The following INAVA variants were observed in gnomAD, a reference collection of about 807,000 sequenced individuals.
INAVA encodes the protein innate immunity activator protein.
Under a neutral mutation model 55.3 loss-of-function variants are expected in INAVA, and 32 were observed. The ratio of observed to expected loss-of-function variants is 0.58; its 90% CI spans 0.44 to 0.78. The LOEUF (loss-of-function observed/expected upper bound fraction) is 0.78. Among genes scored for constraint, INAVA ranks in the 30% least tolerant of loss-of-function variants. INAVA has a pLI of 0.00. For synonymous variants in INAVA, 294 were observed against 329.4 expected (o/e 0.89, Z 1.16); for missense variants, 756 against 786.4 (o/e 0.96, Z 0.46).
intron 8 of INAVA, 124 bp downstream of exon 8, chr1:200,909,521 T>G (rs1653631015): frequency 1.2e-6 from 1 of 860,918 alleles, no homozygotes; most frequent in Admixed American, 3.9e-5. Context: ...TGACTTCTCT[T>G]AGGATCTCTT....
intron 5 of INAVA, among the ~76,000 whole-genome samples, chr1:200,902,395 C>T (rs938270673): frequency 2.6e-5 from 4 of 152,224 alleles, no homozygotes; most frequent in South Asian, 2.1e-4. Flanking sequence ...GGTCACCTCC[C>T]GCAGCCAAGA....
At chr1:200,908,357 A>G in intron 6 of INAVA, 1 of 209,430 alleles carries the variant, frequency 4.8e-6, no homozygotes, top group Non-Finnish European at 9.5e-6. Flanking sequence ...TGCCCAGGGG[A>G]GTGCCCAAGC....
chr1:200,908,199 G>T (rs1653571466), intron 6 of INAVA: 1 of 294,336 alleles, frequency 3.4e-6, no homozygotes, highest in Admixed American at 4.7e-5. Context: ...AGATGCACCA[G>T]TCAGAGCCAA....
intron 6 of INAVA, 130 bp downstream of exon 6, chr1:200,908,017 T>C: frequency 1.6e-6 from 1 of 643,636 alleles, no homozygotes; most frequent in Non-Finnish European, 2.8e-6. Context: ...GGGTTTCCGC[T>C]TGGACTTCAT....
At chr1:200,896,228 C>G (rs1354483008) in intron 1 of INAVA, among the ~76,000 whole-genome samples, 1 of 152,104 alleles carries the variant, frequency 6.6e-6, no homozygotes, top group Non-Finnish European at 1.5e-5. Context: ...TAATGGCTTC[C>G]CCTCCCACAT....
rs756260408 is a variant in INAVA, at chr1:200,911,604, G to A, written c.1111G>A (p.Asp371Asn). The A allele has an allele frequency of 5.0e-6, 8 of 1,614,016 alleles. No homozygotes were observed. In the South Asian group the frequency reaches 6.6e-5, roughly 13 times the overall value. The change falls in exon 9 of 10, where the codon GAC becomes AAC. Residue 371 changes from aspartate to asparagine, a missense_variant. Physicochemically the swap from Asp to Asn is conservative, Grantham distance 23. Coordinates refer to ENST00000413687, the MANE Select transcript of INAVA (RefSeq NM_001142569.3). ...PHAACHSCSE[D>N]SGSDVSSISH... Reference sequence around the variant, plus strand: ...CGCCGCCTGCCACTCCTGCTCAGAAGACAGTGGCTCTGACGTCTCCAGCAT... The same window carrying A: ...CGCCGCCTGCCACTCCTGCTCAGAAAACAGTGGCTCTGACGTCTCCAGCAT...
intron 9 of INAVA, among the ~76,000 whole-genome samples, chr1:200,913,106 C>G (rs1447399860): frequency 6.6e-6 from 1 of 152,222 alleles, no homozygotes; most frequent in African/African-American, 2.4e-5. Context: ...CCCTCCCCCA[C>G]CCACGGTTCT....
Position 200,911,840 on chromosome 1 carries a change from G to A in INAVA, c.1347G>A (p.Glu449=), listed in dbSNP as rs767384034. 3.7e-6 allele frequency: 6 copies of A among 1,600,118 alleles called. No homozygotes were observed. Among genetic ancestry groups the A allele is most frequent in the Non-Finnish European group, 5.1e-6 (6 of 1,177,182 alleles). ...CTGAGAGCCCCCTGCCGCCTGGCGA[G>A]TGGGAGCTGCGCCGCGCAGCCCCGG... ...VVAESPLPPG[E]WELRRAAPGP... is the part of the protein sequence containing the mutation. The change falls in exon 9 of 10, where the codon GAG becomes GAA. Residue 449 remains glutamate (E), a synonymous_variant. Transcript: ENST00000413687.
upstream of INAVA, among the ~76,000 whole-genome samples, chr1:200,893,457 T>C (rs1033767601): frequency 6.6e-6 from 1 of 152,192 alleles, no homozygotes; most frequent in Non-Finnish European, 1.5e-5. Flanking sequence ...GGGCCGCTTA[T>C]GCCCAGAGTC....
At chr1:200,895,418 C>A (rs1668323415) in intron 1 of INAVA, among the ~76,000 whole-genome samples, 1 of 152,050 alleles carries the variant, frequency 6.6e-6, no homozygotes, top group African/African-American at 2.4e-5. Context: ...TCCCTCCCTC[C>A]CTCTGTGCCC....
In INAVA at chr1:200,898,440, A is replaced by C; in HGVS notation, c.40A>C (p.Ile14Leu). 1 of 1,614,024 alleles carries C rather than the reference A, an allele frequency of 6.2e-7. No homozygotes were observed. Among genetic ancestry groups the C allele is most frequent in the Non-Finnish European group, 8.5e-7 (1 of 1,179,986 alleles). The change falls in exon 2 of 10, where the codon ATC becomes CTC. Residue 14 changes from isoleucine to leucine, a missense_variant. Ile to Leu is a conservative substitution (Grantham distance 5). Around this residue, in one of 2 missense-constraint regions of INAVA, gnomAD observed 639 missense variants for 624.3 expected, o/e 1.02. Transcript: ENST00000413687. The part of the protein sequence containing the change: ...KDEVSDTDSG[I>L]ILQSGPDSPV... ...TGAGGTCAGCGACACCGACAGTGGC[A>C]TCATCCTGCAGTCTGGTGAGTGTTC... is the stretch of plus-strand genomic sequence containing the variant.
Position 200,900,127 on chromosome 1 carries a change from G to T in INAVA, c.204G>T (p.Ala68=). Residue 68 remains alanine, a synonymous_variant, in exon 4 of 10, where the codon GCG becomes GCT. Coordinates refer to ENST00000413687, the MANE Select transcript of INAVA (RefSeq NM_001142569.3). Reference sequence around the variant, plus strand: ...AGGAGCTGACGGGCACCTTGCCAGCGGAGTATCCCCTCAAACCAGGGGAAA... The same window carrying T: ...AGGAGCTGACGGGCACCTTGCCAGCTGAGTATCCCCTCAAACCAGGGGAAA... ...REAELTGTLP[A]EYPLKPGEKA... is the part of the protein sequence containing the mutation. The T allele has an allele frequency of 1.2e-6, 2 of 1,613,600 alleles. No homozygotes were observed. Among genetic ancestry groups the T allele is most frequent in the Admixed American group, 1.7e-5 (1 of 59,968 alleles).
At position 200,898,361 on chromosome 1, in the gene INAVA, C is replaced by G. The variant is rs867118662; in HGVS notation, c.-40C>G. 3.4e-5 allele frequency: 55 copies of G among 1,614,124 alleles called. 1 individual carries two copies. The Middle Eastern group carries it at 6.1e-3, about 180-fold the overall frequency. On this transcript the variant is annotated 5_prime_UTR_variant, in exon 2 of 10. Coordinates refer to ENST00000413687, the MANE Select transcript of INAVA (RefSeq NM_001142569.3). ...CTGGCCCAGGCTGGTCACGGTGTCC[C>G]CCCTCCCTGCTCTGTGCCCTCTCCT...
intron 7 of INAVA, 141 bp from the exon 8 acceptor site, chr1:200,909,083 C>T: frequency 7.7e-7 from 1 of 1,293,310 alleles, no homozygotes; most frequent in Non-Finnish European, 1.1e-6. Context: ...GAGGTGTGAG[C>T]CTTGATAGTT....
chr1:200,896,176 A>C (rs373336544), intron 1 of INAVA, among the ~76,000 whole-genome samples: 36 of 152,274 alleles, frequency 2.4e-4, no homozygotes, highest in African/African-American at 8.4e-4. Flanking sequence ...TTTCCAAGGC[A>C]ACTACTTAGT....
chr1:200,906,839 T>TA (rs1237294027), intron 5 of INAVA, among the ~76,000 whole-genome samples: 3 of 152,184 alleles, frequency 2.0e-5, no homozygotes, highest in Non-Finnish European at 4.4e-5. Flanking sequence ...CCCTTTTTTT[T>TA]ATTTGAGACA....
chr1:200,894,234 C>G (rs1288670357), upstream of INAVA, among the ~76,000 whole-genome samples: 1 of 152,070 alleles, frequency 6.6e-6, no homozygotes, highest in African/African-American at 2.4e-5. Flanking sequence ...GGGCTCAGGT[C>G]AGTGCCTGTC....
rs1464529599 is a variant in INAVA at position 200,908,958 on chromosome 1, G to T, written c.785+18G>T. On this transcript the variant is annotated intron_variant, in intron 7 of 9. Coordinates refer to ENST00000413687, the MANE Select transcript of INAVA (RefSeq NM_001142569.3). ...GAGTCCAGGTCAGGATCAGGGGGAA[G>T]GGAGAAGGGCAGGGCAGGGCAGGGA... 1.2e-6 allele frequency: 2 copies of T among 1,608,670 alleles called. No homozygotes were observed. The highest frequency in any genetic ancestry group is 1.7e-6 in the Non-Finnish European group (2 of 1,177,472).
chr1:200,899,944 G>C (rs888703431), intron 3 of INAVA, among the ~76,000 whole-genome samples, 160 bp from the exon 4 acceptor site: 1 of 152,214 alleles, frequency 6.6e-6, no homozygotes, highest in African/African-American at 2.4e-5. Context: ...GTGCAGAGTG[G>C]GTCTGAAGAC....
Sources: allele counts gnomAD v4.1 joint callset (sites outside exome capture counted in the v4.1 genomes callset), GRCh38; gene constraint gnomAD v4.1.1; regional missense constraint gnomAD v4.1.1; transcripts MANE v1.5; gene names NCBI Gene and HGNC (gene_info 2026-07-23, HGNC 2026-07-21).